LATS2: variants seen among roughly 807,000 people sequenced by gnomAD.
LATS2 encodes large tumor suppressor kinase 2.
LATS2 carries 24 observed loss-of-function variants against 76.0 expected under a neutral mutation model. The ratio of observed to expected loss-of-function variants is 0.32; its 90% CI spans 0.23 to 0.44. The LOEUF is 0.44. Among genes scored for constraint, LATS2 ranks in the 20% least tolerant of loss-of-function variants. The pLI, the probability that LATS2 is intolerant of heterozygous loss-of-function variation, is 1.00. For missense variants in LATS2, 1,286 were observed against 1,481.2 expected (o/e 0.87, Z 2.16); for synonymous variants, 692 against 635.4 (o/e 1.09, Z -1.34).
chr13:21,057,609 C>T (rs540312316), intron 1 of LATS2, among the ~76,000 whole-genome samples: 6 of 151,098 alleles, frequency 4.0e-5, no homozygotes, highest in African/African-American at 9.7e-5. Flanking sequence ...CTGGCTACTA[C>T]GGTGAAACCC....
Position 20,974,881 on chromosome 13 carries a change from C to G in LATS2, c.3256G>C (p.Val1086Leu). 3.1e-6 allele frequency: 5 copies of G among 1,610,856 alleles called. No homozygotes were observed. Among genetic ancestry groups the G allele is most frequent in the Non-Finnish European group, 4.2e-6 (5 of 1,178,416 alleles). Residue 1086 changes from valine to leucine, a missense_variant, in exon 8 of 8, where the codon GTG becomes CTG. By Grantham distance (32) the Val-to-Leu change is conservative. Around this residue, in one of 5 missense-constraint regions of LATS2, gnomAD observed 210 missense variants for 234.9 expected, o/e 0.89. Transcript: ENST00000382592. ...LVDQTEGCQP[V>L]YV ...TGCCTGGCCCCCATCTACACGTACA[C>G]AGGCTGGCAGCCTTCAGTCTGATCC...
intron 2 of LATS2, among the ~76,000 whole-genome samples, chr13:21,002,924 A>T (rs557580553): frequency 9.2e-5 from 14 of 151,728 alleles, no homozygotes; most frequent in Non-Finnish European, 1.6e-4. Flanking sequence ...CTGGTCTCAA[A>T]CTCCTGGCCT....
intron 1 of LATS2, among the ~76,000 whole-genome samples, chr13:21,059,349 G>C (rs907385934): frequency 6.6e-6 from 1 of 152,194 alleles, no homozygotes; most frequent in South Asian, 2.1e-4. Flanking sequence ...TGTAATCCCA[G>C]CAGTTTGGGA....
chr13:21,055,491 T>C (rs1050150578), intron 1 of LATS2, among the ~76,000 whole-genome samples: 29 of 152,248 alleles, frequency 1.9e-4, no homozygotes, highest in African/African-American at 7.0e-4. Flanking sequence ...CTAAATCCCA[T>C]GCTTAATATA....
Position 21,018,573 on chromosome 13 carries a change from G to A in LATS2, c.342+27112C>T, listed in dbSNP as rs181627273. Among the ~76,000 whole-genome samples the A allele has an allele frequency of 6.6e-5, 10 of 152,352 alleles. No individual in the cohort carries two copies. In the East Asian group the frequency reaches 1.7e-3, roughly 26 times the overall value. On this transcript the variant is annotated intron_variant, in intron 2 of 7. Coordinates refer to ENST00000382592, the MANE Select transcript of LATS2 (RefSeq NM_014572.3). Reference sequence around the variant, plus strand: ...CAGCAGGTCCAGGAAGACTGTGGTCGCTTCCCTGATGTCCTTCACCCAGGT... The same window carrying A: ...CAGCAGGTCCAGGAAGACTGTGGTCACTTCCCTGATGTCCTTCACCCAGGT...
chr13:20,974,836 G>A lies in LATS2; in HGVS notation c.*34C>T, dbSNP rs764237058. The A allele has an allele frequency of 6.4e-7, 1 of 1,571,780 alleles. No individual in the cohort carries two copies. Among genetic ancestry groups the A allele is most frequent in the Admixed American group, 1.8e-5 (1 of 55,414 alleles). On this transcript the variant is annotated 3_prime_UTR_variant, in exon 8 of 8. Transcript: ENST00000382592. ...CACCGGCTCCGGGACCCTGACCTGGGAGGCAGCGAGTGGTGGGGGTGCCTG... is the reference window on the plus strand; with the variant it reads ...CACCGGCTCCGGGACCCTGACCTGGAAGGCAGCGAGTGGTGGGGGTGCCTG...
chr13:21,034,101 A>T lies in LATS2; in HGVS notation c.342+11584T>A, dbSNP rs576659852. Among the ~76,000 whole-genome samples, 8 of 152,320 alleles carry T rather than the reference A, an allele frequency of 5.3e-5. No individual in the cohort carries two copies. The East Asian group carries it at 1.5e-3, about 29-fold the overall frequency. Reference sequence around the variant, plus strand: ...ACTAATGACACATGGCATTGTGGTCAGACTGCCACCTCTGCATACCAACCA... The same window carrying T: ...ACTAATGACACATGGCATTGTGGTCTGACTGCCACCTCTGCATACCAACCA... On this transcript the variant is annotated intron_variant, in intron 2 of 7. Coordinates refer to ENST00000382592, the MANE Select transcript of LATS2 (RefSeq NM_014572.3).
At chr13:21,042,710 T>A (rs1401773992) in intron 2 of LATS2, among the ~76,000 whole-genome samples, 1 of 151,956 alleles carries the variant, frequency 6.6e-6, no homozygotes, top group Admixed American at 6.6e-5. Context: ...TAGGAGTGGC[T>A]GGGCATGGTA....
intron 1 of LATS2, among the ~76,000 whole-genome samples, chr13:21,059,753 G>A (rs1873566344): frequency 6.6e-6 from 1 of 152,144 alleles, no homozygotes; most frequent in Non-Finnish European, 1.5e-5. Flanking sequence ...ATCACCTGAG[G>A]TCAGGAGTTC....
intron 1 of LATS2, 48 bp from the exon 2 acceptor site, chr13:21,046,278 C>T (rs181181398): frequency 4.1e-4 from 163 of 398,618 alleles, no homozygotes; most frequent in Non-Finnish European, 6.5e-4. Flanking sequence ...GTCATTTTCA[C>T]GCAACGTTAA....
chr13:21,018,072 C>T (rs1381428937), intron 2 of LATS2: 1 of 152,212 alleles, frequency 6.6e-6, no homozygotes, highest in Non-Finnish European at 1.5e-5. Flanking sequence ...CAATGTCACT[C>T]AGCTTCAGTA....
chr13:20,991,245 C>T lies in LATS2; in HGVS notation c.475+27G>A, dbSNP rs1412285343. 1.9e-6 allele frequency: 3 copies of T among 1,613,518 alleles called. No individual in the cohort carries two copies. The highest frequency in any genetic ancestry group is 2.2e-5 in the South Asian group (2 of 91,002). On this transcript the variant is annotated intron_variant, in intron 3 of 7. Transcript: ENST00000382592. The surrounding 1 kb of genome is among the most constrained non-coding windows in gnomAD (Gnocchi z 4.9). ...GTCCTTAAGCCACAAACCATCTTTG[C>T]CCACTATGCTGCAGGCCTGGGCTCA...
In LATS2 at chr13:20,974,820, C is replaced by T. The variant is rs777423592; in HGVS notation, c.*50G>A. ...TATTGGCCTGTGAGGGCACCGGCTC[C>T]GGGACCCTGACCTGGGAGGCAGCGA... On this transcript the variant is annotated 3_prime_UTR_variant, in exon 8 of 8. Coordinates refer to ENST00000382592, the MANE Select transcript of LATS2 (RefSeq NM_014572.3). The T allele has an allele frequency of 9.7e-6, 15 of 1,550,690 alleles. No homozygotes were observed. Among genetic ancestry groups the T allele is most frequent in the East Asian group, 6.8e-5 (3 of 44,398 alleles).
intron 4 of LATS2, among the ~76,000 whole-genome samples, 175 bp from the exon 5 acceptor site, chr13:20,983,981 A>G (rs1870028898): frequency 6.6e-6 from 1 of 152,232 alleles, no homozygotes; most frequent in South Asian, 2.1e-4. Context: ...CCTAGGCTGG[A>G]GTGCAGTGGC....
intron 2 of LATS2, among the ~76,000 whole-genome samples, chr13:21,031,825 C>T (rs778698464): frequency 3.9e-5 from 6 of 152,244 alleles, no homozygotes; most frequent in African/African-American, 7.2e-5. Flanking sequence ...CACTGCACTC[C>T]GGCCTGGGTG....
At chr13:21,005,209 T>C (rs1871218659) in intron 2 of LATS2, 1 of 152,218 alleles carries the variant, frequency 6.6e-6, no homozygotes, top group Non-Finnish European at 1.5e-5. Context: ...CTGAAGATGG[T>C]CAGGGCTGGG....
chr13:21,033,327 G>A (rs1041124780), intron 2 of LATS2, among the ~76,000 whole-genome samples: 7 of 151,934 alleles, frequency 4.6e-5, no homozygotes, highest in Non-Finnish European at 7.4e-5. Context: ...AAAGAATTTG[G>A]AAACTACCAA....
At chr13:21,007,603 GTGTGTA>G (rs1488759545) in intron 2 of LATS2, among the ~76,000 whole-genome samples, 13 of 778 alleles carry the variant, frequency 0.017, 2 homozygotes, top group African/African-American at 0.049. Context: ...TATATATATA[GTGTGTA>G]TATATATATA....
Position 20,973,456 on chromosome 13 carries a change from A to G in LATS2, c.*1414T>C, listed in dbSNP as rs940847893. The G allele has an allele frequency of 4.3e-6, 1 of 232,684 alleles. No individual in the cohort carries two copies. The highest frequency in any genetic ancestry group is 8.5e-6 in the Non-Finnish European group (1 of 117,502). The allele number at this position is 232,684 out of a possible 1,614,324, so 14.4% of individuals were successfully genotyped here. A position where few individuals can be genotyped will look rare whatever the true frequency, so the allele number is the denominator to read the frequency against. ...AAAGAATTGAACTTTTTACTCAAAT[A>G]TAAATCACTTTAAATAGGAATCATA... On this transcript the variant is annotated 3_prime_UTR_variant, in exon 8 of 8. Coordinates refer to ENST00000382592, the MANE Select transcript of LATS2 (RefSeq NM_014572.3).
Sources: allele counts gnomAD v4.1 joint callset (sites outside exome capture counted in the v4.1 genomes callset), GRCh38; gene constraint gnomAD v4.1.1; regional missense constraint gnomAD v4.1.1; non-coding constraint Gnocchi (gnomAD v3.1); transcripts MANE v1.5; gene names NCBI Gene and HGNC (gene_info 2026-07-23, HGNC 2026-07-21).